The following DNM1 variants were observed in gnomAD, a reference collection of about 807,000 sequenced individuals.
DNM1 encodes the protein dynamin-1.
DNM1 carries 29 observed loss-of-function variants against 104.6 expected under a neutral mutation model. The observed-to-expected ratio is 0.28, with a 90% CI of 0.21 to 0.38. DNM1 has a LOEUF of 0.38. Among genes scored for constraint, DNM1 ranks in the 10% least tolerant of loss-of-function variants. DNM1 has a pLI of 1.00. For synonymous variants in DNM1, 445 were observed against 475.8 expected (o/e 0.94, Z 0.84); for missense variants, 640 against 1,189.4 (o/e 0.54, Z 6.79).
intron 6 of DNM1, among the ~76,000 whole-genome samples, chr9:128,221,382 C>T (rs1835013364): frequency 1.3e-5 from 2 of 152,062 alleles, no homozygotes; most frequent in Admixed American, 1.3e-4. Flanking sequence ...GAGCCATAAT[C>T]GTGCCTGGCC....
Position 128,247,189 on chromosome 9 carries a change from G to A in DNM1, c.1782-186G>A, listed in dbSNP as rs117907146. On this transcript the variant is annotated intron_variant, in intron 16 of 21. Transcript: ENST00000372923. This position sits in a 1 kb window ranked among gnomAD's most constrained non-coding sequence, Gnocchi z 5.1. ...AATCCTCAGTGACCCAAGGAGGCAGGAATTATTATTAACCCATCTTCCCAG... is the reference window on the plus strand; with the variant it reads ...AATCCTCAGTGACCCAAGGAGGCAGAAATTATTATTAACCCATCTTCCCAG... 0.03 allele frequency: 15,147 copies of A among 513,288 alleles called. 320 individuals carry two copies. The highest frequency in any genetic ancestry group is 0.082 in the Middle Eastern group (159 of 1,944). 31.8% of individuals were successfully genotyped at this position (513,288 alleles called of 1,614,324 possible). A position where few individuals can be genotyped will look rare whatever the true frequency, so the allele number is the denominator to read the frequency against.
At chr9:128,246,321 G>A (rs1472871912) in intron 15 of DNM1, 73 bp from the exon 16 acceptor site, 2 of 1,041,628 alleles carry the variant, frequency 1.9e-6, no homozygotes, top group Non-Finnish European at 3.0e-6. Flanking sequence ...GCCAGTCAGG[G>A]GGACTCTTAG....
chr9:128,221,052 T>C (rs1834988782), intron 6 of DNM1: 4 of 132,036 alleles, frequency 3.0e-5, no homozygotes, highest in South Asian at 2.5e-4. Flanking sequence ...TTTCTTTCTC[T>C]CTTTCTCTCT....
rs61020870 is a variant in DNM1 at position 128,220,742 on chromosome 9, C to CGCGCGCGTGTGTGTGT, written c.849+402_849+403insCGCGCGTGTGTGTGTG. 4.0e-4 allele frequency among the ~76,000 whole-genome samples: 54 copies of CGCGCGCGTGTGTGTGT among 136,352 alleles called. 1 individual carries two copies. Among genetic ancestry groups the CGCGCGCGTGTGTGTGT allele is most frequent in the African/African-American group, 9.8e-4 (37 of 37,800 alleles). 89.5% of individuals were successfully genotyped at this position (136,352 alleles called of 152,430 possible). A position where few individuals can be genotyped will look rare whatever the true frequency, so the allele number is the denominator to read the frequency against. On this transcript the variant is annotated intron_variant, in intron 6 of 21. Coordinates refer to ENST00000372923, the MANE Select transcript of DNM1 (RefSeq NM_004408.4). The surrounding 1 kb of genome is among the most constrained non-coding windows in gnomAD (Gnocchi z 5.2). ...CAGAACTGAAGTGCGCGCGCGCGCG[C>CGCGCGCGTGTGTGTGT]GTGTGTGTGTGTGTGTGTGTGTGTG...
Position 128,218,421 on chromosome 9 carries a change from C to T in DNM1, c.235+117C>T. The T allele has an allele frequency of 6.9e-7, 1 of 1,442,600 alleles. No homozygotes were observed. Among genetic ancestry groups the T allele is most frequent in the Non-Finnish European group, 9.8e-7 (1 of 1,025,462 alleles). 89.4% of individuals were successfully genotyped at this position (1,442,600 alleles called of 1,614,324 possible). A position where few individuals can be genotyped will look rare whatever the true frequency, so the allele number is the denominator to read the frequency against. ...TGCTGTGTGACTGTGGGCCTCGTTC[C>T]CCTTAGGGATAGCGGGGATCAAAAT... On this transcript the variant is annotated intron_variant, in intron 2 of 21. Transcript: ENST00000372923. This position sits in a 1 kb window ranked among gnomAD's most constrained non-coding sequence, Gnocchi z 4.8.
chr9:128,215,640 G>A (rs1480639857), intron 1 of DNM1, among the ~76,000 whole-genome samples: 1 of 152,202 alleles, frequency 6.6e-6, no homozygotes, highest in Non-Finnish European at 1.5e-5. Context: ...CTGGGCCCTG[G>A]GCTCCCCACA....
At position 128,223,892 on chromosome 9, in the gene DNM1, C is replaced by T. The variant is rs370679782; in HGVS notation, c.1197-359C>T. On this transcript the variant is annotated intron_variant, in intron 9 of 21. Transcript: ENST00000372923. ...TGAAACCCTGTCTCTACTAAAAATA[C>T]GAAAAAATTAGCCGGGCGTGGTGGC... The T allele has an allele frequency of 9.1e-5, 15 of 164,062 alleles. No individual in the cohort carries two copies. The East Asian group carries it at 1.9e-3, about 21-fold the overall frequency. The allele number at this position is 164,062 out of a possible 1,614,324, so 10.2% of individuals were successfully genotyped here. A position where few individuals can be genotyped will look rare whatever the true frequency, so the allele number is the denominator to read the frequency against.
chr9:128,241,741 G>A (rs1273628611), intron 14 of DNM1, among the ~76,000 whole-genome samples: 1 of 152,210 alleles, frequency 6.6e-6, no homozygotes, highest in Non-Finnish European at 1.5e-5. Flanking sequence ...GGGACAGGAA[G>A]GGGCTGCCTG....
rs1254537679 is a variant in DNM1 at position 128,253,545 on chromosome 9, C to T, written c.2535-1109C>T. On this transcript the variant is annotated intron_variant, in intron 21 of 21. Transcript: ENST00000372923. This position sits in a 1 kb window ranked among gnomAD's most constrained non-coding sequence, Gnocchi z 5.9. ...CCTAGGAACGTTATCCTGGGCACAC[C>T]GTGCGTGGTGTGCAGTCTGAGTCAT... The T allele has an allele frequency of 2.9e-5, 7 of 242,406 alleles. No homozygotes were observed. The East Asian group carries it at 5.0e-4, about 17-fold the overall frequency. 15.0% of individuals were successfully genotyped at this position (242,406 alleles called of 1,614,324 possible).
chr9:128,217,081 A>C (rs1197835396), intron 1 of DNM1, among the ~76,000 whole-genome samples: 1 of 152,252 alleles, frequency 6.6e-6, no homozygotes, highest in African/African-American at 2.4e-5. Flanking sequence ...CCAAAAGGAC[A>C]GCTGAGGTTG....
intron 11 of DNM1, among the ~76,000 whole-genome samples, chr9:128,237,814 C>G (rs1836108079): frequency 6.6e-6 from 1 of 152,134 alleles, no homozygotes; most frequent in Non-Finnish European, 1.5e-5. Flanking sequence ...CGCTCTGACG[C>G]CCAGGCTGGA....
chr9:128,204,091 GGCAGAGGTCA>G (rs1265586572), intron 1 of DNM1: 11 of 152,928 alleles, frequency 7.2e-5, no homozygotes, highest in African/African-American at 2.7e-4. Flanking sequence ...CCTGGGCCGT[GGCAGAGGTCA>G]GCCCCCGCAT....
intron 11 of DNM1, among the ~76,000 whole-genome samples, chr9:128,238,884 T>C (rs1259920916): frequency 1.3e-5 from 2 of 151,650 alleles, no homozygotes; most frequent in East Asian, 3.9e-4. Flanking sequence ...CTCGATCTCC[T>C]GACCTTGTGA....
chr9:128,222,636 C>A lies in DNM1; in HGVS notation c.1128+40C>A. The A allele has an allele frequency of 1.2e-6, 2 of 1,609,814 alleles. No homozygotes were observed. The highest frequency in any genetic ancestry group is 1.3e-5 in the African/African-American group (1 of 74,960). ...CCTGGGGACAGGATGGCTCAGGACT[C>A]CCCCCACCCTCACTCAGGACTCTCT... On this transcript the variant is annotated intron_variant, in intron 8 of 21. Transcript: ENST00000372923. This position sits in a 1 kb window ranked among gnomAD's most constrained non-coding sequence, Gnocchi z 7.8.
At chr9:128,232,728 G>T (rs1204367775) in intron 10 of DNM1, 8 of 152,534 alleles carry the variant, frequency 5.2e-5, no homozygotes, top group African/African-American at 1.2e-4. Flanking sequence ...ACCGCGTGGA[G>T]AGGGTGGGCC....
chr9:128,205,254 G>C (rs185611309), intron 1 of DNM1, among the ~76,000 whole-genome samples: 71 of 152,216 alleles, frequency 4.7e-4, no homozygotes, highest in African/African-American at 1.6e-3. Context: ...CCTACCTCTC[G>C]TCCTTTGAAT....
intron 6 of DNM1, among the ~76,000 whole-genome samples, chr9:128,221,485 T>G (rs2131169140): frequency 6.6e-6 from 1 of 152,300 alleles, no homozygotes; most frequent in Non-Finnish European, 1.5e-5. Context: ...AGATACTGTG[T>G]GGGGGCACCT....
At chr9:128,216,402 T>C (rs1488103600) in intron 1 of DNM1, among the ~76,000 whole-genome samples, 1 of 152,202 alleles carries the variant, frequency 6.6e-6, no homozygotes, top group Non-Finnish European at 1.5e-5. Context: ...ATAATCTCTA[T>C]ATCAGAGCAC....
In DNM1 at chr9:128,203,391, C is replaced by A. The variant is rs1302091812; in HGVS notation, c.-80C>A. ...CCGCGGCGCAGGCAGTCTGGGCGCG[C>A]GGCTGCAGCGGCGGAGCCGGAGTCG... On this transcript the variant is annotated 5_prime_UTR_variant, in exon 1 of 22. Transcript: ENST00000372923. The surrounding 1 kb of genome is among the most constrained non-coding windows in gnomAD (Gnocchi z 5.3). The A allele has an allele frequency of 7.7e-7, 1 of 1,294,928 alleles. No individual in the cohort carries two copies. Among genetic ancestry groups the A allele is most frequent in the Non-Finnish European group, 9.8e-7 (1 of 1,016,338 alleles). 80.2% of individuals were successfully genotyped at this position (1,294,928 alleles called of 1,614,324 possible).
Sources: allele counts gnomAD v4.1 joint callset (sites outside exome capture counted in the v4.1 genomes callset), GRCh38; gene constraint gnomAD v4.1.1; non-coding constraint Gnocchi (gnomAD v3.1); transcripts MANE v1.5; gene names NCBI Gene and HGNC (gene_info 2026-07-23, HGNC 2026-07-21).